The following AARS2 variants were observed in gnomAD, a reference collection of about 807,000 sequenced individuals.
AARS2 encodes the protein alanine--tRNA ligase, mitochondrial.
Under a neutral mutation model 119.7 loss-of-function variants are expected in AARS2, and 78 were observed. The ratio of observed to expected loss-of-function variants is 0.65; its 90% CI spans 0.54 to 0.79. The LOEUF (loss-of-function observed/expected upper bound fraction) is 0.79, where lower values mean the gene tolerates loss of function less well. Among genes scored for constraint, AARS2 ranks in the 30% least tolerant of loss-of-function variants. The probability of loss-of-function intolerance (pLI) is 0.00; values close to 1 mark genes in which losing one functional copy is unlikely to be tolerated. For missense variants in AARS2, 1,157 were observed against 1,291.3 expected (o/e 0.90, Z 1.59); for synonymous variants, 502 against 526.3 (o/e 0.95, Z 0.63).
chr6:44,300,204 C>T lies in AARS2; in HGVS notation c.*343G>A, dbSNP rs149050034. The T allele has an allele frequency of 5.1e-3, 1,809 of 351,924 alleles. 25 individuals are homozygous for T. Among genetic ancestry groups the T allele is most frequent in the African/African-American group, 0.035 (1,685 of 47,876 alleles). The allele number at this position is 351,924 out of a possible 1,614,324, so 21.8% of individuals were successfully genotyped here. A position where few individuals can be genotyped will look rare whatever the true frequency, so the allele number is the denominator to read the frequency against. On this transcript the variant is annotated 3_prime_UTR_variant, in exon 22 of 22. Transcript: ENST00000244571. ...CCATGTTAGCCAGGATGGTTTTGAT[C>T]TCCTGACCTCATGATCTACCTGCCT...
At position 44,305,680 on chromosome 6, in the gene AARS2, C is replaced by T; in HGVS notation, c.1407G>A (p.Leu469=). 6.2e-7 allele frequency: 1 copy of T among 1,614,168 alleles called. No individual in the cohort carries two copies. Among genetic ancestry groups the T allele is most frequent in the South Asian group, 1.1e-5 (1 of 91,086 alleles). The change falls in exon 10 of 22, where the codon CTG becomes CTA. Residue 469 remains leucine (L), a synonymous_variant. Transcript: ENST00000244571. The surrounding 1 kb of genome is among the most constrained non-coding windows in gnomAD (Gnocchi z 4.6). ...EKGVQLDSAG[L]ERLAQEEAQH... ...GGGCCTCCTCTTGGGCCAACCGCTC[C>T]AGTCCAGCGGAGTCTAGCTGGACCC...
rs777864781 is a variant in AARS2 at position 44,302,443 on chromosome 6, C to T, written c.2435G>A (p.Arg812Gln). 4.6e-5 allele frequency: 74 copies of T among 1,613,952 alleles called. No individual in the cohort carries two copies. Among genetic ancestry groups the T allele is most frequent in the African/African-American group, 9.3e-5 (7 of 74,906 alleles). ...AATERLSLGS[R>Q]DVAEALRLSK... ...CAGCCTCAGTGCCTCCGCCACATCC[C>T]GGCTCCCCAGACTCAGCCGCTCAGT... The change falls in exon 18 of 22, where the codon CGG (arginine) becomes CAG (glutamine). Residue 812 changes from arginine to glutamine, a missense_variant. Coordinates refer to ENST00000244571, the MANE Select transcript of AARS2 (RefSeq NM_020745.4).
At chr6:44,303,690 G>A (rs1282321427) in intron 14 of AARS2, among the ~76,000 whole-genome samples, 1 of 152,218 alleles carries the variant, frequency 6.6e-6, no homozygotes, top group African/African-American at 2.4e-5. Context: ...GTATCCACAT[G>A]GAGCTTACAA....
rs1325683772 is a variant in AARS2, at chr6:44,299,091, G to A, written c.*1456C>T. Among the ~76,000 whole-genome samples the A allele has an allele frequency of 6.6e-6, 1 of 152,156 alleles. No individual in the cohort carries two copies. Among genetic ancestry groups the A allele is most frequent in the East Asian group, 1.9e-4 (1 of 5,184 alleles). ...CCACCTCACGGCCTCTGCATTGGCT[G>A]TTCCCTCAGGCTGGAATGCTTTTCC... On this transcript the variant is annotated 3_prime_UTR_variant, in exon 22 of 22. Coordinates refer to ENST00000244571, the MANE Select transcript of AARS2 (RefSeq NM_020745.4).
intron 11 of AARS2, 37 bp from the exon 12 acceptor site, chr6:44,304,854 G>A: frequency 6.2e-7 from 1 of 1,613,652 alleles, no homozygotes; most frequent in Non-Finnish European, 8.5e-7. Flanking sequence ...TGGTGGGCAG[G>A]GGCTGGGGAC....
At chr6:44,312,371 T>TCTCAGGG in intron 1 of AARS2, 108 bp from the exon 2 acceptor site, 1 of 1,156,688 alleles carries the variant, frequency 8.6e-7, no homozygotes, top group Non-Finnish European at 1.2e-6. Context: ...AGGCTGACTG[T>TCTCAGGG]GCCCCTGAGA....
At position 44,306,393 on chromosome 6, in the gene AARS2, T is replaced by C; in HGVS notation, c.1189-2A>G. The C allele has an allele frequency of 6.2e-7, 1 of 1,613,970 alleles. No individual in the cohort carries two copies. Among genetic ancestry groups the C allele is most frequent in the Non-Finnish European group, 8.5e-7 (1 of 1,180,000 alleles). ...GTCCTCTGACACCAGGTTGGCGATC[T>C]GAACCAGGCAGAGAAGAAGTGGAGC... On this transcript the variant is annotated splice_acceptor_variant, in intron 8 of 21. Transcript: ENST00000244571. LOFTEE classifies it high-confidence loss of function.
chr6:44,307,348 T>C lies in AARS2; in HGVS notation c.941A>G (p.Glu314Gly), dbSNP rs750977710. The change falls in exon 6 of 22, where the codon GAG (glutamate) becomes GGG (glycine). Residue 314 changes from glutamate (E) to glycine (G), a missense_variant. Transcript: ENST00000244571. The surrounding 1 kb of genome is among the most constrained non-coding windows in gnomAD (Gnocchi z 4.4). Reference sequence around the variant, plus strand: ...GCGGTACGCTGTGTCTGTGCGCCCCTCGTCTGCCACCCCTACTCGGCCCAA... The same window carrying C: ...GCGGTACGCTGTGTCTGTGCGCCCCCCGTCTGCCACCCCTACTCGGCCCAA... ...PYLGRVGVAD[E>G]GRTDTAYRVV... The C allele has an allele frequency of 1.2e-6, 2 of 1,611,424 alleles. No individual in the cohort carries two copies. The highest frequency in any genetic ancestry group is 8.5e-7 in the Non-Finnish European group (1 of 1,178,968).
At position 44,307,576 on chromosome 6, in the gene AARS2, G is replaced by T; in HGVS notation, c.895-182C>A. On this transcript the variant is annotated intron_variant, in intron 5 of 21. Coordinates refer to ENST00000244571, the MANE Select transcript of AARS2 (RefSeq NM_020745.4). This position sits in a 1 kb window ranked among gnomAD's most constrained non-coding sequence, Gnocchi z 4.4. The stretch of plus-strand genomic sequence containing the variant: ...ACAAGCCAGGCCCTGCCCTCACGGG[G>T]CTCATATTTGGTGCTACAAGTGAAC... The T allele has an allele frequency of 8.4e-6, 6 of 718,014 alleles. No individual in the cohort carries two copies. The highest frequency in any genetic ancestry group is 1.1e-5 in the Non-Finnish European group (5 of 436,378). The allele number at this position is 718,014 out of a possible 1,614,324, so 44.5% of individuals were successfully genotyped here.
At position 44,301,169 on chromosome 6, in the gene AARS2, C is replaced by T; in HGVS notation, c.2780G>A (p.Cys927Tyr). The T allele has an allele frequency of 1.2e-6, 2 of 1,613,404 alleles. No individual in the cohort carries two copies. Among genetic ancestry groups the T allele is most frequent in the Non-Finnish European group, 1.7e-6 (2 of 1,179,760 alleles). The change falls in exon 21 of 22, where the codon TGT (cysteine) becomes TAT (tyrosine). Residue 927 changes from cysteine to tyrosine, a missense_variant. Cys to Tyr is a radical substitution (Grantham distance 194). Coordinates refer to ENST00000244571, the MANE Select transcript of AARS2 (RefSeq NM_020745.4). The stretch of plus-strand genomic sequence containing the variant: ...CACTTCCCTCACCTGGGCCACCTGA[C>T]AGGCACACAGCACCTTCCCCATGGG... ...PQPMGKVLCA[C>Y]QVAQGAMPTF...
intron 13 of AARS2, 31 bp downstream of exon 13, chr6:44,304,389 G>A (rs1785644359): frequency 1.9e-6 from 3 of 1,614,004 alleles, no homozygotes; most frequent in Non-Finnish European, 2.5e-6. Flanking sequence ...GGGGCTGCAG[G>A]GTATTGGGAA....
chr6:44,313,261 T>A lies in AARS2; in HGVS notation c.63A>T (p.Ala21=). 1.9e-6 allele frequency: 3 copies of A among 1,596,616 alleles called. No homozygotes were observed. The highest frequency in any genetic ancestry group is 8.5e-7 in the Non-Finnish European group (1 of 1,175,350). ...RLRRAIRRSP[A]WRGLSHRPLS... is the part of the protein sequence containing the mutation. The stretch of plus-strand genomic sequence containing the variant: ...GCGGCCGATGGCTGAGGCCCCGCCA[T>A]GCGGGCGACCTTCGAATGGCCCGCC... Residue 21 remains alanine, a synonymous_variant, in exon 1 of 22, where the codon GCA becomes GCT. Transcript: ENST00000244571.
chr6:44,303,280 A>T lies in AARS2; in HGVS notation c.2145+6T>A, dbSNP rs760997909. On this transcript the variant is annotated splice_donor_region_variant and intron_variant, in intron 15 of 21. Transcript: ENST00000244571. ...GATCTCCAGCAAAAGGGCTTCCCCA[A>T]CTCACCTCATCCAGAGAGCGCAGGC... The T allele has an allele frequency of 7.4e-6, 12 of 1,614,112 alleles. No homozygotes were observed. The highest frequency in any genetic ancestry group is 4.2e-6 in the Non-Finnish European group (5 of 1,180,024).
rs745386482 is a variant in AARS2, at chr6:44,305,833, CAAA to C, written c.1301-50_1301-48del. The C allele has an allele frequency of 1.6e-5, 26 of 1,609,528 alleles. No homozygotes were observed. The highest frequency in any genetic ancestry group is 2.2e-5 in the Non-Finnish European group (26 of 1,176,328). ...AATGTTGAGGAGGGGAGGGATTAGA[CAAA>C]GAAGGGGAGAAAAATAAGGTCCAGG... On this transcript the variant is annotated intron_variant, in intron 9 of 21. Transcript: ENST00000244571. The surrounding 1 kb of genome is among the most constrained non-coding windows in gnomAD (Gnocchi z 4.6).
chr6:44,304,628 T>C lies in AARS2; in HGVS notation c.1752+17A>G. The C allele has an allele frequency of 1.2e-6, 2 of 1,614,062 alleles. No homozygotes were observed. The highest frequency in any genetic ancestry group is 1.3e-5 in the African/African-American group (1 of 74,994). On this transcript the variant is annotated intron_variant, in intron 12 of 21. Transcript: ENST00000244571. ...TGCCGCCCACAGAAATCAGCCTGGGTTGTGATGGAGACTCACCTCTTGCCC... is the reference window on the plus strand; with the variant it reads ...TGCCGCCCACAGAAATCAGCCTGGGCTGTGATGGAGACTCACCTCTTGCCC...
At chr6:44,309,008 C>T (rs1379023660) in intron 5 of AARS2, among the ~76,000 whole-genome samples, 2 of 152,194 alleles carry the variant, frequency 1.3e-5, no homozygotes, top group East Asian at 3.8e-4. Flanking sequence ...ACAAAAATGG[C>T]CCTTTCCTAG....
chr6:44,309,441 G>A (rs1429064926), intron 5 of AARS2, among the ~76,000 whole-genome samples: 1 of 152,216 alleles, frequency 6.6e-6, no homozygotes, highest in Non-Finnish European at 1.5e-5. Context: ...GCATTAGGGT[G>A]GTTATACAGC....
In AARS2 at chr6:44,305,883, C is replaced by T. The variant is rs2153354968; in HGVS notation, c.1301-97G>A. On this transcript the variant is annotated intron_variant, in intron 9 of 21. Transcript: ENST00000244571. The surrounding 1 kb of genome is among the most constrained non-coding windows in gnomAD (Gnocchi z 4.6). ...CAGGGCCCTTCTAACCACGCAGAAGCCACCAGATGCCAAACACAAATACCC... is the reference window on the plus strand; with the variant it reads ...CAGGGCCCTTCTAACCACGCAGAAGTCACCAGATGCCAAACACAAATACCC... 1 of 1,437,960 alleles carries T rather than the reference C, an allele frequency of 7.0e-7. No homozygotes were observed. Among genetic ancestry groups the T allele is most frequent in the African/African-American group, 1.4e-5 (1 of 71,288 alleles). 89.1% of individuals were successfully genotyped at this position (1,437,960 alleles called of 1,614,324 possible).
intron 19 of AARS2, among the ~76,000 whole-genome samples, chr6:44,301,713 C>A (rs187002794): frequency 5.3e-5 from 8 of 152,086 alleles, no homozygotes; most frequent in African/African-American, 1.9e-4. Flanking sequence ...ACAAATAGGT[C>A]GCTGAAGGTG....
Sources: gnomAD v4.1 joint callset for allele counts (sites outside exome capture counted in the v4.1 genomes callset) on GRCh38, gnomAD v4.1.1 for gene constraint, Gnocchi (gnomAD v3.1) non-coding constraint, MANE v1.5 for transcripts, NCBI Gene and HGNC (gene_info 2026-07-23, HGNC 2026-07-21) for gene names.